IFT52: variants seen among roughly 807,000 people sequenced by gnomAD.
The protein encoded by IFT52 is intraflagellar transport 52, also known as intraflagellar transport protein 52 homolog.
Under a neutral mutation model 54.4 loss-of-function variants are expected in IFT52, and 44 were observed. That is an observed-to-expected ratio of 0.81 (90% CI 0.63 to 1.04). The LOEUF (loss-of-function observed/expected upper bound fraction) is 1.04, where lower values mean the gene tolerates loss of function less well. Ranked by LOEUF, IFT52 falls within the 50% of genes least tolerant of loss-of-function variation. The pLI, the probability that IFT52 is intolerant of heterozygous loss-of-function variation, is 0.00. For synonymous variants in IFT52, 181 were observed against 185.3 expected (o/e 0.98, Z 0.19); for missense variants, 452 against 523.6 (o/e 0.86, Z 1.33).
chr20:43,613,055 C>G (rs1983582298), intron 6 of IFT52, among the ~76,000 whole-genome samples: 1 of 152,204 alleles, frequency 6.6e-6, no homozygotes, highest in Admixed American at 6.5e-5. Flanking sequence ...TCTAGATAAT[C>G]TAAGACAAGT....
chr20:43,607,239 G>A (rs1349963080), intron 6 of IFT52, among the ~76,000 whole-genome samples: 4 of 150,252 alleles, frequency 2.7e-5, no homozygotes, highest in Non-Finnish European at 5.9e-5. Flanking sequence ...CCTCCCGGAC[G>A]GGGCGGCTGG....
intron 6 of IFT52, among the ~76,000 whole-genome samples, chr20:43,607,386 G>A (rs2145606677): frequency 6.7e-6 from 1 of 149,872 alleles, no homozygotes; most frequent in South Asian, 2.1e-4. Flanking sequence ...GGTGGCTGCC[G>A]GGCGGAGGGG....
chr20:43,642,598 G>C lies in IFT52; in HGVS notation c.1240G>C (p.Val414Leu). 6.2e-7 allele frequency: 1 copy of C among 1,614,176 alleles called. No homozygotes were observed. The highest frequency in any genetic ancestry group is 8.5e-7 in the Non-Finnish European group (1 of 1,180,024). Residue 414 changes from valine to leucine, a missense_variant, in exon 13 of 14, where the codon GTG becomes CTG. By Grantham distance (32) the Val-to-Leu change is conservative (BLOSUM62 1). Coordinates refer to ENST00000373030, the MANE Select transcript of IFT52 (RefSeq NM_016004.5). The part of the protein sequence containing the change: ...KHILEHVFFQ[V>L]VEFKKLNQEH... ...TATCCTTGAGCACGTCTTCTTCCAA[G>C]TGGTGGAGTTCAAGAAATTGAACCA...
At chr20:43,623,756 G>A in intron 9 of IFT52, 135 bp from the exon 10 acceptor site, 1 of 987,780 alleles carries the variant, frequency 1.0e-6, no homozygotes. Flanking sequence ...AAGGTTTAGT[G>A]TCAGTGATCA....
chr20:43,615,539 C>T (rs1048231643), intron 7 of IFT52, among the ~76,000 whole-genome samples: 9 of 151,738 alleles, frequency 5.9e-5, no homozygotes, highest in Non-Finnish European at 1.3e-4. Context: ...CGTGGTGGCT[C>T]ACACCTGCAA....
chr20:43,640,342 C>A (rs184095273), intron 12 of IFT52, among the ~76,000 whole-genome samples: 1 of 152,192 alleles, frequency 6.6e-6, no homozygotes, highest in Non-Finnish European at 1.5e-5. Context: ...TGCCTGTAAT[C>A]CCAGCTGCTT....
chr20:43,592,006 A>C (rs898674281), intron 1 of IFT52, among the ~76,000 whole-genome samples: 15 of 152,244 alleles, frequency 9.9e-5, no homozygotes, highest in African/African-American at 3.6e-4. Flanking sequence ...ACTGTATTTC[A>C]AATCAGCATT....
chr20:43,598,053 G>A (rs369079583), intron 3 of IFT52, among the ~76,000 whole-genome samples: 11 of 152,146 alleles, frequency 7.2e-5, no homozygotes, highest in East Asian at 3.9e-4. Flanking sequence ...AGTATCCATC[G>A]GCAGATGAGT....
chr20:43,619,570 A>C (rs1380454967), intron 8 of IFT52, among the ~76,000 whole-genome samples: 1 of 152,102 alleles, frequency 6.6e-6, no homozygotes, highest in Admixed American at 6.6e-5. Flanking sequence ...TGGGGACCTG[A>C]ATTACGGGAG....
Position 43,594,694 on chromosome 20 carries a change from T to C in IFT52, c.-5T>C. 1 of 1,499,378 alleles carries C rather than the reference T, an allele frequency of 6.7e-7. No individual in the cohort carries two copies. Among genetic ancestry groups the C allele is most frequent in the East Asian group, 2.3e-5 (1 of 44,398 alleles). 92.9% of individuals were successfully genotyped at this position (1,499,378 alleles called of 1,614,324 possible). On this transcript the variant is annotated splice_region_variant and 5_prime_UTR_variant, in exon 2 of 14. Transcript: ENST00000373030. Reference sequence around the variant, plus strand: ...CTGATCCCATCTTTCTTCCATAAGGTAACCATGGAGAAAGAGCTGCGGAGC... The same window carrying C: ...CTGATCCCATCTTTCTTCCATAAGGCAACCATGGAGAAAGAGCTGCGGAGC...
chr20:43,632,746 C>T (rs909892049), intron 10 of IFT52, among the ~76,000 whole-genome samples: 1 of 152,180 alleles, frequency 6.6e-6, no homozygotes, highest in Non-Finnish European at 1.5e-5. Flanking sequence ...AAGTGCATAT[C>T]ATACAGATCT....
At chr20:43,599,429 G>A (rs1223991366) in intron 3 of IFT52, among the ~76,000 whole-genome samples, 1 of 152,174 alleles carries the variant, frequency 6.6e-6, no homozygotes, top group Non-Finnish European at 1.5e-5. Flanking sequence ...CCTTCGAGAG[G>A]CAAATTTGAT....
At chr20:43,616,737 T>C (rs1042144227) in intron 7 of IFT52, among the ~76,000 whole-genome samples, 2 of 152,104 alleles carry the variant, frequency 1.3e-5, no homozygotes, top group Admixed American at 6.6e-5. Context: ...ATTTATAGTA[T>C]AGGTCAGGCA....
chr20:43,646,954 A>G lies in IFT52; in HGVS notation c.1285A>G (p.Ser429Gly). The change falls in exon 14 of 14, where the codon AGT (serine) becomes GGT (glycine). Residue 429 changes from serine (S) to glycine (G), a missense_variant. By Grantham distance (56) the Ser-to-Gly change is moderately conservative. Transcript: ENST00000373030. ...KLNQEHDIDT[S>G]ETAFQNNF ...CATCCAGGAACATGACATCGATACA[A>G]GTGAAACAGCATTCCAGAACAATTT... 1 of 1,613,926 alleles carries G rather than the reference A, an allele frequency of 6.2e-7. No homozygotes were observed. Among genetic ancestry groups the G allele is most frequent in the East Asian group, 2.2e-5 (1 of 44,860 alleles).
At chr20:43,607,949 A>G (rs1983093797) in intron 6 of IFT52, among the ~76,000 whole-genome samples, 1 of 152,218 alleles carries the variant, frequency 6.6e-6, no homozygotes, top group African/African-American at 2.4e-5. Context: ...GCTGGAGACC[A>G]GCCCAGCCAA....
At chr20:43,594,587 G>T (rs923565458) in intron 1 of IFT52, 106 bp from the exon 2 acceptor site, 1 of 672,216 alleles carries the variant, frequency 1.5e-6, no homozygotes. Flanking sequence ...GGTTTCAGTT[G>T]TATACCCTTT....
Position 43,643,726 on chromosome 20 carries a change from G to A in IFT52, c.1266+1102G>A, listed in dbSNP as rs1218921023. On this transcript the variant is annotated intron_variant, in intron 13 of 13. Coordinates refer to ENST00000373030, the MANE Select transcript of IFT52 (RefSeq NM_016004.5). ...CTGGGCTGTGCCTGGTATGCTTGAC[G>A]AACGGCAGTGATGCCAGTGTGACAA... is the stretch of plus-strand genomic sequence containing the variant. Among the ~76,000 whole-genome samples the A allele has an allele frequency of 8.6e-5, 5 of 58,428 alleles. 2 individuals are homozygous for A. The East Asian group carries it at 2.9e-3, about 34-fold the overall frequency. 38.3% of individuals were successfully genotyped at this position (58,428 alleles called of 152,430 possible).
intron 10 of IFT52, among the ~76,000 whole-genome samples, chr20:43,627,904 T>TAGAG (rs34658714): frequency 1.3e-5 from 1 of 74,914 alleles, no homozygotes; most frequent in Non-Finnish European, 2.4e-5. Flanking sequence ...CATATATATA[T>TAGAG]AGAGAGAGAG....
chr20:43,608,158 C>T (rs1445512231), intron 6 of IFT52, among the ~76,000 whole-genome samples: 2 of 151,642 alleles, frequency 1.3e-5, no homozygotes, highest in Admixed American at 6.6e-5. Flanking sequence ...AGAGGGAGAC[C>T]GTGGGGAGAG....
Sources: gnomAD v4.1 joint callset for allele counts (sites outside exome capture counted in the v4.1 genomes callset) on GRCh38, gnomAD v4.1.1 for gene constraint, MANE v1.5 for transcripts, NCBI Gene and HGNC (gene_info 2026-07-23, HGNC 2026-07-21) for gene names.